The following VIL1 variants were observed in gnomAD, a reference collection of about 807,000 sequenced individuals.
VIL1 encodes the protein villin 1.
Under a neutral mutation model 104.0 loss-of-function variants are expected in VIL1, and 86 were observed. The observed-to-expected ratio is 0.83, with a 90% CI of 0.69 to 0.99. The LOEUF (loss-of-function observed/expected upper bound fraction) is 0.99, where lower values mean the gene tolerates loss of function less well. Ranked by LOEUF, VIL1 falls within the 50% of genes least tolerant of loss-of-function variation. The probability of loss-of-function intolerance (pLI) is 0.00; values close to 1 mark genes in which losing one functional copy is unlikely to be tolerated. For synonymous variants in VIL1, 394 were observed against 412.6 expected, an observed-to-expected ratio of 0.95 and a Z score of 0.55; for missense variants, 944 against 1,054.1, an observed-to-expected ratio of 0.90 and a Z score of 1.45.
rs1243958819 is a variant in VIL1 at position 218,452,716 on chromosome 2, T to C, written c.*3380T>C. The C allele has an allele frequency of 6.6e-6, 1 of 152,248 alleles. No individual in the cohort carries two copies. Among genetic ancestry groups the C allele is most frequent in the African/African-American group, 2.4e-5 (1 of 41,464 alleles). The allele number at this position is 152,248 out of a possible 1,614,324, so 9.4% of individuals were successfully genotyped here. A position where few individuals can be genotyped will look rare whatever the true frequency, so the allele number is the denominator to read the frequency against. On this transcript the variant is annotated 3_prime_UTR_variant, in exon 20 of 20. Coordinates refer to ENST00000248444, the MANE Select transcript of VIL1 (RefSeq NM_007127.3). ...ATGAAAGCAATTCAAATGAGGCTGC[T>C]TCATGAGGCAATCTAGACTTATGGC...
chr2:218,450,374 A>C lies in VIL1; in HGVS notation c.*1038A>C, dbSNP rs565541205. ...GAACAGTTCTGCTAAAACACAGATA[A>C]AAGTGCCGCTCCATACAAAACATAA... is the stretch of plus-strand genomic sequence containing the variant. On this transcript the variant is annotated 3_prime_UTR_variant, in exon 20 of 20. Coordinates refer to ENST00000248444, the MANE Select transcript of VIL1 (RefSeq NM_007127.3). 4 of 152,766 alleles carry C rather than the reference A, an allele frequency of 2.6e-5. No individual in the cohort carries two copies. The highest frequency in any genetic ancestry group is 9.6e-5 in the African/African-American group (4 of 41,580). 9.5% of individuals were successfully genotyped at this position (152,766 alleles called of 1,614,324 possible).
chr2:218,442,031 T>C (rs1689293031), intron 19 of VIL1, among the ~76,000 whole-genome samples: 1 of 151,892 alleles, frequency 6.6e-6, no homozygotes, highest in African/African-American at 2.4e-5. Flanking sequence ...CATCGAACAA[T>C]AGCCTGGAAG....
At chr2:218,445,016 G>T (rs963691641) in intron 19 of VIL1, among the ~76,000 whole-genome samples, 4 of 152,298 alleles carry the variant, frequency 2.6e-5, no homozygotes, top group Admixed American at 6.5e-5. Flanking sequence ...AGGAACCTGG[G>T]GGGAGGGTGC....
At chr2:218,425,185 A>T (rs1253003819) in intron 3 of VIL1, among the ~76,000 whole-genome samples, 1 of 152,168 alleles carries the variant, frequency 6.6e-6, no homozygotes, top group Non-Finnish European at 1.5e-5. Flanking sequence ...GATTCAAGCG[A>T]TTCTCGTGGC....
intron 1 of VIL1, among the ~76,000 whole-genome samples, chr2:218,421,981 C>T (rs990246034): frequency 3.3e-5 from 5 of 152,090 alleles, no homozygotes; most frequent in African/African-American, 4.8e-5. Context: ...GGGCCCGGCG[C>T]GGTGGCTCAC....
Position 218,425,673 on chromosome 2 carries a change from C to A in VIL1, c.209C>A (p.Ser70Ter), listed in dbSNP as rs1176969735. 6.2e-7 allele frequency: 1 copy of A among 1,614,192 alleles called. No individual in the cohort carries two copies. Among genetic ancestry groups the A allele is most frequent in the South Asian group, 1.1e-5 (1 of 91,078 alleles). Residue 70 changes from serine to a stop codon, truncating the protein, a stop_gained, in exon 4 of 20, where the codon TCA (serine) becomes TAA (stop). Transcript: ENST00000248444. LOFTEE classifies it high-confidence loss of function. ...ATCCACTACTGGATTGGCCAGGACTCATCCCTGGATGAGCAGGGGGCAGCT... is the reference window on the plus strand; with the variant it reads ...ATCCACTACTGGATTGGCCAGGACTAATCCCTGGATGAGCAGGGGGCAGCT... Reference protein sequence around the residue: ...YDIHYWIGQDSSLDEQGAAAI... With the variant: ...YDIHYWIGQD
chr2:218,429,863 G>A lies in VIL1; in HGVS notation c.864G>A (p.Leu288=), dbSNP rs1203227519. The A allele has an allele frequency of 1.9e-6, 3 of 1,613,930 alleles. No individual in the cohort carries two copies. Among genetic ancestry groups the A allele is most frequent in the East Asian group, 2.2e-5 (1 of 44,856 alleles). ...CCCGACTCTAGGACTGTTACATCCT[G>A]GACCAGGGGGGCCTGAAGATCTACG... ...DLLSHEDCYI[L]DQGGLKIYVW... The change falls in exon 9 of 20, where the codon CTG becomes CTA. Residue 288 remains leucine, a synonymous_variant. Coordinates refer to ENST00000248444, the MANE Select transcript of VIL1 (RefSeq NM_007127.3).
At chr2:218,420,701 T>C (rs985387908) in intron 1 of VIL1, among the ~76,000 whole-genome samples, 3 of 150,988 alleles carry the variant, frequency 2.0e-5, no homozygotes, top group African/African-American at 7.3e-5. Context: ...TTCTCCTGCC[T>C]CAGCCTCCCG....
Position 218,425,805 on chromosome 2 carries a change from G to T in VIL1, c.341G>T (p.Gly114Val). 1 of 1,607,004 alleles carries T rather than the reference G, an allele frequency of 6.2e-7. No individual in the cohort carries two copies. The highest frequency in any genetic ancestry group is 8.5e-7 in the Non-Finnish European group (1 of 1,175,898). ...SEAFRGYFKQ[G>V]LVIRKGGVAS... ...GCCTTCCGAGGCTACTTCAAGCAAG[G>T]CCTTGTGTAGGGAGGGTGGGCTGCA... Residue 114 changes from glycine (G) to valine (V), a missense_variant, in exon 4 of 20, where the codon GGC (glycine) becomes GTC (valine). Transcript: ENST00000248444.
chr2:218,429,249 A>C, intron 6 of VIL1, 36 bp from the exon 7 acceptor site: 1 of 1,584,808 alleles, frequency 6.3e-7, no homozygotes. Context: ...TCATTCCCCG[A>C]CTACTCCCGA....
rs370334580 is a variant in VIL1, at chr2:218,432,957, G to A, written c.1500+6G>A. 2.0e-5 allele frequency: 32 copies of A among 1,613,980 alleles called. No homozygotes were observed. Among genetic ancestry groups the A allele is most frequent in the Admixed American group, 3.3e-5 (2 of 59,988 alleles). ...GACGCATGGTGGTCTACCAGGTGTG[G>A]CTGCTGAACTGAGGTGTCTGGCAGT... On this transcript the variant is annotated splice_donor_region_variant and intron_variant, in intron 13 of 19. Coordinates refer to ENST00000248444, the MANE Select transcript of VIL1 (RefSeq NM_007127.3).
At chr2:218,445,405 A>G (rs924498822) in intron 19 of VIL1, among the ~76,000 whole-genome samples, 1 of 151,798 alleles carries the variant, frequency 6.6e-6, no homozygotes, top group African/African-American at 2.4e-5. Context: ...CCCTGTCTCA[A>G]CCTCCCCGCC....
chr2:218,432,865 G>A lies in VIL1; in HGVS notation c.1414G>A (p.Gly472Ser), dbSNP rs1472020318. ...QAVILDQKYN[G>S]EPVQIRVPMG... Reference sequence around the variant, plus strand: ...CGTCATCCTGGACCAGAAGTACAATGGTGAACCAGTCCAGATCCGGGTCCC... The same window carrying A: ...CGTCATCCTGGACCAGAAGTACAATAGTGAACCAGTCCAGATCCGGGTCCC... Residue 472 changes from glycine to serine, a missense_variant, in exon 13 of 20, where the codon GGT becomes AGT. Gly to Ser is a moderately conservative substitution (Grantham distance 56). Transcript: ENST00000248444. The A allele has an allele frequency of 6.2e-7, 1 of 1,614,198 alleles. No individual in the cohort carries two copies. Among genetic ancestry groups the A allele is most frequent in the East Asian group, 2.2e-5 (1 of 44,878 alleles).
chr2:218,431,237 G>T, intron 10 of VIL1: 1 of 403,280 alleles, frequency 2.5e-6, no homozygotes, highest in Non-Finnish European at 4.4e-6. Context: ...TGTAACCCCA[G>T]CTACTCAGAA....
rs2106400984 is a variant in VIL1, at chr2:218,453,281, G to A, written c.*3945G>A. On this transcript the variant is annotated 3_prime_UTR_variant, in exon 20 of 20. Coordinates refer to ENST00000248444, the MANE Select transcript of VIL1 (RefSeq NM_007127.3). ...TGTTTTTGTTTTCGTTTTTTTTAAT[G>A]AGATGGAGTCTCACTCTGTCACTCA... is the stretch of plus-strand genomic sequence containing the variant. The A allele has an allele frequency of 6.6e-6, 1 of 151,862 alleles. No individual in the cohort carries two copies. The highest frequency in any genetic ancestry group is 2.4e-5 in the African/African-American group (1 of 41,448). The allele number at this position is 151,862 out of a possible 1,614,324, so 9.4% of individuals were successfully genotyped here.
At position 218,451,095 on chromosome 2, in the gene VIL1, A is replaced by G. The variant is rs1689465937; in HGVS notation, c.*1759A>G. On this transcript the variant is annotated 3_prime_UTR_variant, in exon 20 of 20. Coordinates refer to ENST00000248444, the MANE Select transcript of VIL1 (RefSeq NM_007127.3). ...ATATTTTTTCAGATGTTAATAAGAC[A>G]TATCAGTAGAGACAAAATTAGGATT... 1 of 152,226 alleles carries G rather than the reference A, an allele frequency of 6.6e-6. No individual in the cohort carries two copies. Among genetic ancestry groups the G allele is most frequent in the African/African-American group, 2.4e-5 (1 of 41,462 alleles). The allele number at this position is 152,226 out of a possible 1,614,324, so 9.4% of individuals were successfully genotyped here. A position where few individuals can be genotyped will look rare whatever the true frequency, so the allele number is the denominator to read the frequency against.
intron 19 of VIL1, among the ~76,000 whole-genome samples, chr2:218,444,487 C>G (rs1342061596): frequency 1.3e-5 from 2 of 151,152 alleles, no homozygotes; most frequent in Non-Finnish European, 2.9e-5. Context: ...ACTGTGTTAG[C>G]CAGGATGGTC....
chr2:218,446,794 C>T (rs540429152), intron 19 of VIL1, among the ~76,000 whole-genome samples: 19 of 138,934 alleles, frequency 1.4e-4, no homozygotes, highest in South Asian at 6.5e-4. Context: ...GACAGAGTCC[C>T]GCTCTGTTGC....
Position 218,450,922 on chromosome 2 carries a change from G to A in VIL1, c.*1586G>A. ...CACACATGGAGACAACTTACTAATT[G>A]TGTGTAAGTATGATACAATGAATGA... On this transcript the variant is annotated 3_prime_UTR_variant, in exon 20 of 20. Coordinates refer to ENST00000248444, the MANE Select transcript of VIL1 (RefSeq NM_007127.3). 1 of 152,126 alleles carries A rather than the reference G, an allele frequency of 6.6e-6. No individual in the cohort carries two copies. The highest frequency in any genetic ancestry group is 1.9e-4 in the East Asian group (1 of 5,204). The allele number at this position is 152,126 out of a possible 1,614,324, so 9.4% of individuals were successfully genotyped here.
Sources: gnomAD v4.1 joint callset for allele counts (sites outside exome capture counted in the v4.1 genomes callset) on GRCh38, gnomAD v4.1.1 for gene constraint, MANE v1.5 for transcripts, NCBI Gene and HGNC (gene_info 2026-07-23, HGNC 2026-07-21) for gene names.